Variants in HDAC9 observed in about 807,000 individuals in gnomAD.
HDAC9 encodes the protein MEF-2 interacting transcription repressor (MITR) protein.
A neutral mutation model predicts 139.4 loss-of-function variants in HDAC9; 41 were observed. The ratio of observed to expected loss-of-function variants is 0.29; its 90% CI spans 0.23 to 0.38. The LOEUF (loss-of-function observed/expected upper bound fraction) is 0.38. HDAC9 is among the 10% of genes least tolerant of loss of function. The pLI, the probability that HDAC9 is intolerant of heterozygous loss-of-function variation, is 1.00. For synonymous variants in HDAC9, 517 were observed against 476.2 expected (o/e 1.09, Z -1.12); for missense variants, 1,147 against 1,297.0 (o/e 0.88, Z 1.78).
rs1397928098 is a variant in HDAC9 at position 18,829,327 on chromosome 7, T to C, written c.2378+111T>C. ...TGTTAGCAGATGGACTGAAAAATCTTGCGAGGTACTCCCAGAAGCAGATTT... is the reference window on the plus strand; with the variant it reads ...TGTTAGCAGATGGACTGAAAAATCTCGCGAGGTACTCCCAGAAGCAGATTT... On this transcript the variant is annotated intron_variant, in intron 18 of 25. Coordinates refer to ENST00000686413, the MANE Select transcript of HDAC9 (RefSeq NM_178425.4). The C allele has an allele frequency of 3.5e-6, 4 of 1,131,088 alleles. No individual in the cohort carries two copies. In the African/African-American group the frequency reaches 6.1e-5, roughly 17 times the overall value. 70.1% of individuals were successfully genotyped at this position (1,131,088 alleles called of 1,614,324 possible).
intron 22 of HDAC9, among the ~76,000 whole-genome samples, chr7:18,897,450 G>A (rs935573021): frequency 6.6e-6 from 1 of 151,852 alleles, no homozygotes; most frequent in Non-Finnish European, 1.5e-5. Context: ...AAAATAATGT[G>A]ACTCCTAAAA....
At chr7:18,764,453 A>C (rs903996355) in intron 15 of HDAC9, among the ~76,000 whole-genome samples, 16 of 152,134 alleles carry the variant, frequency 1.1e-4, no homozygotes, top group African/African-American at 3.9e-4. Flanking sequence ...CACTAAAGTC[A>C]ACTGTATCAA....
intron 2 of HDAC9, among the ~76,000 whole-genome samples, chr7:18,269,499 A>G (rs926786641): frequency 6.6e-6 from 1 of 152,150 alleles, no homozygotes. Context: ...AGAAAAGAAG[A>G]CCTTCACCAC....
upstream of HDAC9, among the ~76,000 whole-genome samples, chr7:18,286,433 A>G (rs997129979): frequency 4.7e-5 from 7 of 149,008 alleles, no homozygotes; most frequent in African/African-American, 1.5e-4. Context: ...TAATAATTAT[A>G]GTTTATATAA....
At chr7:18,496,097 C>A in intron 1 of HDAC9, 74 bp downstream of exon 1, 1 of 1,402,530 alleles carries the variant, frequency 7.1e-7, no homozygotes. Context: ...AAATCATTGT[C>A]GAAGTTGATC....
chr7:18,462,697 G>A (rs993242290), intron 1 of HDAC9, among the ~76,000 whole-genome samples: 4 of 151,826 alleles, frequency 2.6e-5, no homozygotes, highest in East Asian at 1.9e-4. Context: ...TCACAATGTC[G>A]TTTATAACTT....
chr7:18,431,574 G>A (rs1421872568), intron 1 of HDAC9, among the ~76,000 whole-genome samples: 1 of 152,154 alleles, frequency 6.6e-6, no homozygotes, highest in Non-Finnish European at 1.5e-5. Flanking sequence ...AGCCAAATAA[G>A]ATAGCTGTAA....
intron 16 of HDAC9, among the ~76,000 whole-genome samples, chr7:18,791,020 T>G (rs932970791): frequency 6.6e-6 from 1 of 152,172 alleles, no homozygotes; most frequent in African/African-American, 2.4e-5. Flanking sequence ...ACAAACATCT[T>G]TGGCAGATAG....
At chr7:18,985,203 C>T (rs939190539) in intron 25 of HDAC9, among the ~76,000 whole-genome samples, 2 of 152,096 alleles carry the variant, frequency 1.3e-5, no homozygotes, top group African/African-American at 2.4e-5. Flanking sequence ...AGGTATATCT[C>T]CCAATGCTAT....
intron 17 of HDAC9, among the ~76,000 whole-genome samples, chr7:18,824,557 A>C (rs1795268116): frequency 6.6e-6 from 1 of 152,226 alleles, no homozygotes; most frequent in Non-Finnish European, 1.5e-5. Context: ...CTTGACATTG[A>C]AATCATGAAA....
At chr7:18,362,650 A>C (rs558314323) in intron 1 of HDAC9, among the ~76,000 whole-genome samples, 2 of 152,322 alleles carry the variant, frequency 1.3e-5, no homozygotes, top group East Asian at 1.9e-4. Context: ...ATGTTGTAGG[A>C]AATTTTATAG....
intron 22 of HDAC9, among the ~76,000 whole-genome samples, chr7:18,894,811 A>G (rs954165207): frequency 1.3e-5 from 2 of 152,164 alleles, no homozygotes; most frequent in African/African-American, 4.8e-5. Context: ...ATGTTCTTGA[A>G]TTTGTGAAAG....
intron 4 of HDAC9, among the ~76,000 whole-genome samples, chr7:18,590,890 A>G (rs921470615): frequency 6.6e-6 from 1 of 152,168 alleles, no homozygotes; most frequent in African/African-American, 2.4e-5. Context: ...GTTTTGGCAT[A>G]CTCAAACTTT....
At chr7:18,129,196 A>G (rs1015755583) in intron 1 of HDAC9, among the ~76,000 whole-genome samples, 1 of 152,148 alleles carries the variant, frequency 6.6e-6, no homozygotes, top group African/African-American at 2.4e-5. Context: ...TGTGAGTATA[A>G]TCCTCATTGA....
rs111903866 is a variant in HDAC9, at chr7:18,543,886, G to GAAA, written c.23-41381_23-41379dup. ...CCTGGACTCGTTCAGTGTATTTTAG[G>GAAA]AAAAAAAAAAAAAAAAGAAAAGTGG... On this transcript the variant is annotated intron_variant, in intron 2 of 25. Transcript: ENST00000686413. Among the ~76,000 whole-genome samples, 4 of 118,910 alleles carry GAAA rather than the reference G, an allele frequency of 3.4e-5. No individual in the cohort carries two copies. In the South Asian group the frequency reaches 8.2e-4, roughly 24 times the overall value. 78.0% of individuals were successfully genotyped at this position (118,910 alleles called of 152,430 possible). A position where few individuals can be genotyped will look rare whatever the true frequency, so the allele number is the denominator to read the frequency against.
At chr7:18,269,336 GT>G (rs773806580) in intron 2 of HDAC9, among the ~76,000 whole-genome samples, 15 of 152,174 alleles carry the variant, frequency 9.9e-5, no homozygotes, top group Non-Finnish European at 2.2e-4. Flanking sequence ...AGAAGTGGGT[GT>G]TTAAATGTTT....
At chr7:18,786,192 C>T (rs899631623) in intron 16 of HDAC9, among the ~76,000 whole-genome samples, 1 of 152,090 alleles carries the variant, frequency 6.6e-6, no homozygotes, top group African/African-American at 2.4e-5. Context: ...TCCTTTTTAT[C>T]CCTTATTCTG....
At chr7:18,092,329 A>G (rs915439093) in intron 1 of HDAC9, among the ~76,000 whole-genome samples, 1 of 152,038 alleles carries the variant, frequency 6.6e-6, no homozygotes, top group Admixed American at 6.6e-5. Flanking sequence ...ATTTGAGGCT[A>G]CAGTAAGCCA....
chr7:18,212,287 T>C (rs553863465), intron 2 of HDAC9, among the ~76,000 whole-genome samples: 1 of 152,342 alleles, frequency 6.6e-6, no homozygotes, highest in South Asian at 2.1e-4. Flanking sequence ...AATGTTCTAA[T>C]ATGCTTCTTC....
Sources: gnomAD v4.1 joint callset for allele counts (sites outside exome capture counted in the v4.1 genomes callset) on GRCh38, gnomAD v4.1.1 for gene constraint, MANE v1.5 for transcripts, NCBI Gene and HGNC (gene_info 2026-07-23, HGNC 2026-07-21) for gene names.